The following HECTD4 variants were observed in gnomAD, a reference collection of about 807,000 sequenced individuals.
HECTD4 encodes probable E3 ubiquitin-protein ligase HECTD4.
Under a neutral mutation model 471.5 loss-of-function variants are expected in HECTD4, and 114 were observed. That is an observed-to-expected ratio of 0.24 (90% CI 0.21 to 0.28). The LOEUF is 0.28. Ranked by LOEUF, HECTD4 falls within the 10% of genes least tolerant of loss-of-function variation. The pLI is 1.00. For synonymous variants in HECTD4, 2,012 were observed against 2,256.0 expected (o/e 0.89, Z 3.07); for missense variants, 3,866 against 5,651.5 (o/e 0.68, Z 10.13).
intron 7 of HECTD4, among the ~76,000 whole-genome samples, chr12:112,290,142 G>A (rs2034844574): frequency 6.6e-6 from 1 of 152,000 alleles, no homozygotes; most frequent in African/African-American, 2.4e-5. Flanking sequence ...GCAACATGGT[G>A]AAACCCCATC....
intron 13 of HECTD4, among the ~76,000 whole-genome samples, chr12:112,269,095 G>T (rs910739888): frequency 1.6e-4 from 24 of 151,726 alleles, no homozygotes; most frequent in Non-Finnish European, 2.9e-4. Flanking sequence ...GGATGGTCTC[G>T]ATCTCCTGAC....
In HECTD4 at chr12:112,167,459, A is replaced by G. The variant is rs1234311605; in HGVS notation, c.12392T>C (p.Ile4131Thr). 6.2e-7 allele frequency: 1 copy of G among 1,613,304 alleles called. No homozygotes were observed. Among genetic ancestry groups the G allele is most frequent in the African/African-American group, 1.3e-5 (1 of 74,930 alleles). ...LLHFLGQLLG[I>T]AIRADVPLPL... ...CAGCGGGACGTCTGCCCGAATTGCAATCCCCAGCAGCTGCCCCAGGAAGTG... is the reference window on the plus strand; with the variant it reads ...CAGCGGGACGTCTGCCCGAATTGCAGTCCCCAGCAGCTGCCCCAGGAAGTG... The change falls in exon 72 of 76, where the codon ATT (isoleucine) becomes ACT (threonine). Residue 4131 changes from isoleucine (I) to threonine (T), a missense_variant. By Grantham distance (89) the Ile-to-Thr change is moderately conservative. Around this residue, in one of 16 missense-constraint regions of HECTD4, gnomAD observed 715 missense variants for 1,087.6 expected, o/e 0.66. Coordinates refer to ENST00000682272, the MANE Select transcript of HECTD4 (RefSeq NM_001388303.1).
chr12:112,238,792 TA>T (rs1393400035), intron 34 of HECTD4, among the ~76,000 whole-genome samples: 4 of 152,008 alleles, frequency 2.6e-5, no homozygotes, highest in Non-Finnish European at 5.9e-5. Flanking sequence ...AAGGAGAGAA[TA>T]AAAAATATCT....
chr12:112,320,654 T>C lies in HECTD4; in HGVS notation c.178-912A>G, dbSNP rs376491366. On this transcript the variant is annotated intron_variant, in intron 1 of 75. Transcript: ENST00000682272. Reference sequence around the variant, plus strand: ...AGGTAGAGGTTGCAGTGAGCCGAGATCGCACCACTGAACTCCAGCCTGGGT... The same window carrying C: ...AGGTAGAGGTTGCAGTGAGCCGAGACCGCACCACTGAACTCCAGCCTGGGT... 2.1e-3 allele frequency among the ~76,000 whole-genome samples: 310 copies of C among 151,218 alleles called. 2 individuals carry two copies. The highest frequency in any genetic ancestry group is 7.2e-3 in the African/African-American group (296 of 41,248).
At chr12:112,285,514 C>T (rs1320457700) in intron 7 of HECTD4, among the ~76,000 whole-genome samples, 3 of 152,194 alleles carry the variant, frequency 2.0e-5, no homozygotes, top group Non-Finnish European at 4.4e-5. Context: ...AATTATTTTA[C>T]TCATGAAGTC....
Position 112,370,100 on chromosome 12 carries a change from T to C in HECTD4, c.177+11852A>G, listed in dbSNP as rs145134463. 1.3e-3 allele frequency among the ~76,000 whole-genome samples: 196 copies of C among 152,150 alleles called. 1 individual carries two copies. Among genetic ancestry groups the C allele is most frequent in the African/African-American group, 4.5e-3 (187 of 41,500 alleles). ...CTCACAAGGGTGCTTATAAAAGGGA[T>C]GTGGGAAGAGTGGGTCAGAGGAGAA... On this transcript the variant is annotated intron_variant, in intron 1 of 75. Coordinates refer to ENST00000682272, the MANE Select transcript of HECTD4 (RefSeq NM_001388303.1).
chr12:112,300,083 A>AG (rs1201672207), intron 7 of HECTD4, among the ~76,000 whole-genome samples: 1 of 152,152 alleles, frequency 6.6e-6, no homozygotes. Context: ...TGGGAGGCCA[A>AG]GGGGGTGGAT....
intron 1 of HECTD4, among the ~76,000 whole-genome samples, chr12:112,328,568 A>C (rs2035791457): frequency 6.6e-6 from 1 of 152,196 alleles, no homozygotes; most frequent in Admixed American, 6.5e-5. Context: ...AGCCAAATTG[A>C]ATTGCATGTT....
chr12:112,298,206 G>A (rs1441586485), intron 7 of HECTD4, among the ~76,000 whole-genome samples: 2 of 152,140 alleles, frequency 1.3e-5, no homozygotes, highest in Non-Finnish European at 2.9e-5. Flanking sequence ...AGGTGGGCAC[G>A]AATCAGGAGA....
chr12:112,319,434 G>A lies in HECTD4; in HGVS notation c.486C>T (p.Pro162=). ...CCTCAGCAGTTATGTTACAGAGAGA[G>A]GGGTCTGTTCTACTCTGGGACTGAA... ...PLIQSQSRTD[P]SLCNITAEVL... Residue 162 remains proline, a synonymous_variant, in exon 2 of 76, where the codon CCC becomes CCT. Coordinates refer to ENST00000682272, the MANE Select transcript of HECTD4 (RefSeq NM_001388303.1). This position sits in a 1 kb window ranked among gnomAD's most constrained non-coding sequence, Gnocchi z 5.3. The A allele has an allele frequency of 6.5e-7, 1 of 1,536,106 alleles. No homozygotes were observed. The highest frequency in any genetic ancestry group is 8.7e-7 in the Non-Finnish European group (1 of 1,146,872).
Position 112,216,385 on chromosome 12 carries a change from A to G in HECTD4, c.7386-14T>C. 1 of 1,534,176 alleles carries G rather than the reference A, an allele frequency of 6.5e-7. No individual in the cohort carries two copies. The highest frequency in any genetic ancestry group is 8.8e-7 in the Non-Finnish European group (1 of 1,130,908). On this transcript the variant is annotated splice_polypyrimidine_tract_variant and intron_variant, in intron 47 of 75. Coordinates refer to ENST00000682272, the MANE Select transcript of HECTD4 (RefSeq NM_001388303.1). ...GCTCGGCCGTTGCTATGAAAAATAC[A>G]AAGAAGGGAGGTCAAAGACAAGAAA...
At chr12:112,252,969 C>A (rs2033925996) in intron 22 of HECTD4, among the ~76,000 whole-genome samples, 1 of 151,958 alleles carries the variant, frequency 6.6e-6, no homozygotes, top group Non-Finnish European at 1.5e-5. Flanking sequence ...AGAACCATGC[C>A]CAGCTAATTT....
intron 68 of HECTD4, 163 bp downstream of exon 68, chr12:112,170,954 G>T: frequency 1.8e-6 from 1 of 562,336 alleles, no homozygotes; most frequent in Non-Finnish European, 3.1e-6. Context: ...CCCTTGGGTG[G>T]GCCTGTTGCT....
At position 112,184,630 on chromosome 12, in the gene HECTD4, C is replaced by T. The variant is rs1254906374; in HGVS notation, c.10336G>A (p.Asp3446Asn). The T allele has an allele frequency of 6.2e-7, 1 of 1,613,788 alleles. No individual in the cohort carries two copies. Among genetic ancestry groups the T allele is most frequent in the African/African-American group, 1.3e-5 (1 of 74,934 alleles). The change falls in exon 61 of 76, where the codon GAC (aspartate) becomes AAC (asparagine). Residue 3446 changes from aspartate to asparagine, a missense_variant. By Grantham distance (23) the Asp-to-Asn change is conservative. Transcript: ENST00000682272. The surrounding 1 kb of genome is among the most constrained non-coding windows in gnomAD (Gnocchi z 9.1). ...LQEEDTKKPK[D>N]KAEGGDGKVE... ...TTCCCGTCCCCGCCCTCGGCCTTGT[C>T]TTTTGGCTTCTTGGTGTCTTCTTCC... is the stretch of plus-strand genomic sequence containing the variant.
chr12:112,333,440 T>C (rs2035882090), intron 1 of HECTD4, among the ~76,000 whole-genome samples: 1 of 152,260 alleles, frequency 6.6e-6, no homozygotes, highest in Non-Finnish European at 1.5e-5. Flanking sequence ...TGCATTTCTC[T>C]AATGGGTAAT....
chr12:112,177,570 C>T (rs7316689), intron 64 of HECTD4, among the ~76,000 whole-genome samples: 21,423 of 151,872 alleles, frequency 0.14, 1,877 homozygotes, highest in African/African-American at 0.25. Context: ...TTGGTAGAGA[C>T]GAGGTTTCAC....
chr12:112,359,293 C>CT (rs1309972807), intron 1 of HECTD4, among the ~76,000 whole-genome samples: 2,253 of 143,512 alleles, frequency 0.016, 47 homozygotes, highest in African/African-American at 0.05. Context: ...GTGAATCATG[C>CT]TTTTTTTTTT....
intron 34 of HECTD4, among the ~76,000 whole-genome samples, chr12:112,238,034 G>A (rs555510250): frequency 2.0e-5 from 3 of 152,264 alleles, no homozygotes; most frequent in East Asian, 3.9e-4. Flanking sequence ...GATTACAGGC[G>A]TGAGCCACTG....
At chr12:112,230,973 T>C (rs780340206) in intron 39 of HECTD4, 151 bp from the exon 40 acceptor site, 2 of 672,912 alleles carry the variant, frequency 3.0e-6, no homozygotes, top group Non-Finnish European at 4.9e-6. Context: ...AGCTACATTA[T>C]CATTAGGAAG....
Sources: gnomAD v4.1 joint callset for allele counts (sites outside exome capture counted in the v4.1 genomes callset) on GRCh38, gnomAD v4.1.1 for gene constraint, gnomAD v4.1.1 regional missense constraint, Gnocchi (gnomAD v3.1) non-coding constraint, MANE v1.5 for transcripts, NCBI Gene and HGNC (gene_info 2026-07-23, HGNC 2026-07-21) for gene names.